SORCS3: variants seen among roughly 807,000 people sequenced by gnomAD.
SORCS3 encodes the protein VPS10 domain-containing receptor SorCS3.
In SORCS3, 57 loss-of-function variants were observed where a neutral mutation model predicts 146.3. That is an observed-to-expected ratio of 0.39 (90% CI 0.31 to 0.49). SORCS3 has a LOEUF of 0.49. Among genes scored for constraint, SORCS3 ranks in the 20% least tolerant of loss-of-function variants. The pLI is 0.92. For missense variants in SORCS3, 1,341 were observed against 1,575.5 expected (o/e 0.85, Z 2.52); for synonymous variants, 653 against 618.5 (o/e 1.06, Z -0.83).
At chr10:104,991,289 C>T (rs2054992371) in intron 4 of SORCS3, among the ~76,000 whole-genome samples, 1 of 152,098 alleles carries the variant, frequency 6.6e-6, no homozygotes, top group African/African-American at 2.4e-5. Flanking sequence ...GACTGAGTGG[C>T]TTAAACAATA....
intron 22 of SORCS3, among the ~76,000 whole-genome samples, chr10:105,250,546 A>T (rs960204886): frequency 6.6e-6 from 1 of 152,046 alleles, no homozygotes; most frequent in Admixed American, 6.5e-5. Context: ...TGGTGGACTG[A>T]CACTCCCTGA....
chr10:104,688,927 T>A (rs1252655011), intron 1 of SORCS3, among the ~76,000 whole-genome samples: 1 of 152,124 alleles, frequency 6.6e-6, no homozygotes, highest in Non-Finnish European at 1.5e-5. Context: ...CCCTGGCCCC[T>A]TCAGATGGGC....
intron 2 of SORCS3, among the ~76,000 whole-genome samples, chr10:104,914,381 G>A (rs79705205): frequency 0.065 from 9,814 of 152,152 alleles, 975 homozygotes; most frequent in African/African-American, 0.22. Flanking sequence ...GAGAGGAGCG[G>A]TGATTGGGAG....
At chr10:105,106,748 G>A (rs140083676) in intron 7 of SORCS3, among the ~76,000 whole-genome samples, 1 of 152,168 alleles carries the variant, frequency 6.6e-6, no homozygotes, top group Non-Finnish European at 1.5e-5. Flanking sequence ...AAACAGGAAG[G>A]TTCTGTGGCT....
chr10:104,769,733 A>T (rs1385347607), intron 1 of SORCS3, among the ~76,000 whole-genome samples: 1 of 152,048 alleles, frequency 6.6e-6, no homozygotes, highest in African/African-American at 2.4e-5. Context: ...GTCAGGAGTG[A>T]GCACTGACTC....
chr10:104,641,729 G>T lies in SORCS3; in HGVS notation c.402G>T (p.Ala134=). Residue 134 remains alanine (A), a synonymous_variant, in exon 1 of 27, where the codon GCG becomes GCT. Transcript: ENST00000369701. This position sits in a 1 kb window ranked among gnomAD's most constrained non-coding sequence, Gnocchi z 6.4. ...KLGGARRSRR[A]QPPITQERGD... is the part of the protein sequence containing the mutation. ...GCGGCGCGAGGAGGAGTCGCCGGGC[G>T]CAGCCCCCAATCACCCAGGAACGCG... The T allele has an allele frequency of 3.2e-6, 5 of 1,543,694 alleles. No individual in the cohort carries two copies. The highest frequency in any genetic ancestry group is 2.0e-4 in the Middle Eastern group (1 of 5,060).
intron 7 of SORCS3, among the ~76,000 whole-genome samples, chr10:105,134,611 T>A (rs1240069453): frequency 1.3e-5 from 2 of 151,600 alleles, no homozygotes; most frequent in Non-Finnish European, 2.9e-5. Context: ...TATGAAGCAC[T>A]TTTCCTTTCC....
chr10:105,261,356 G>A (rs2056959403), intron 25 of SORCS3, among the ~76,000 whole-genome samples: 1 of 152,204 alleles, frequency 6.6e-6, no homozygotes, highest in South Asian at 2.1e-4. Flanking sequence ...TCCCCAAGAT[G>A]TTGAAGAGCT....
intron 5 of SORCS3, among the ~76,000 whole-genome samples, chr10:105,074,230 A>G (rs2055575065): frequency 6.6e-6 from 1 of 152,216 alleles, no homozygotes; most frequent in African/African-American, 2.4e-5. Context: ...TGTGGAGCCA[A>G]GTCCGTGTGA....
chr10:104,940,239 T>TATATATATATATATA (rs1554861474), intron 3 of SORCS3, among the ~76,000 whole-genome samples: 100 of 14,322 alleles, frequency 7.0e-3, no homozygotes, highest in South Asian at 0.021. Context: ...TATATATATA[T>TATATATATATATATA]TTTTTTTTTT....
intron 3 of SORCS3, among the ~76,000 whole-genome samples, chr10:104,962,155 G>A (rs1317155841): frequency 6.6e-6 from 1 of 152,086 alleles, no homozygotes; most frequent in Non-Finnish European, 1.5e-5. Flanking sequence ...TTCATGGAAG[G>A]GATTGAGTTA....
intron 3 of SORCS3, among the ~76,000 whole-genome samples, chr10:104,966,842 C>A (rs1397804546): frequency 6.6e-6 from 1 of 152,124 alleles, no homozygotes; most frequent in Non-Finnish European, 1.5e-5. Flanking sequence ...CTAAGCATAG[C>A]CCCTGCCTGA....
chr10:105,231,630 A>G (rs150567073), intron 20 of SORCS3, among the ~76,000 whole-genome samples: 4 of 152,274 alleles, frequency 2.6e-5, no homozygotes, highest in African/African-American at 9.6e-5. Flanking sequence ...CACACCATTA[A>G]TTATGATGTT....
chr10:104,893,439 T>G (rs551113073), intron 2 of SORCS3, among the ~76,000 whole-genome samples: 1 of 152,216 alleles, frequency 6.6e-6, no homozygotes, highest in South Asian at 2.1e-4. Flanking sequence ...CTGTCTGCCT[T>G]GTCAGCTTTG....
intron 3 of SORCS3, among the ~76,000 whole-genome samples, chr10:104,976,036 G>C (rs1469902989): frequency 2.6e-5 from 4 of 152,086 alleles, no homozygotes; most frequent in African/African-American, 9.6e-5. Flanking sequence ...AAAAGCAATG[G>C]AACAAAAGCC....
chr10:104,739,118 C>T (rs550094248), intron 1 of SORCS3, among the ~76,000 whole-genome samples: 10 of 152,198 alleles, frequency 6.6e-5, no homozygotes, highest in Non-Finnish European at 1.5e-4. Flanking sequence ...GCAGCGCCTG[C>T]CCAGCACAGG....
At position 105,211,146 on chromosome 10, in the gene SORCS3, G is replaced by A. The variant is rs1329608014; in HGVS notation, c.2271G>A (p.Gly757=). Residue 757 remains glycine, a synonymous_variant, in exon 17 of 27, where the codon GGG becomes GGA. Transcript: ENST00000369701. Reference sequence around the variant, plus strand: ...TTCATTTTCCTGACAGTGACTATGGGTATGAGAGACATGGGGAGAGCCAGT... The same window carrying A: ...TTCATTTTCCTGACAGTGACTATGGATATGAGAGACATGGGGAGAGCCAGT... The part of the protein sequence containing the change: ...CANWDFECDY[G]YERHGESQCV... 6.2e-7 allele frequency: 1 copy of A among 1,612,984 alleles called. No homozygotes were observed. Among genetic ancestry groups the A allele is most frequent in the African/African-American group, 1.3e-5 (1 of 74,898 alleles).
chr10:104,911,505 C>T (rs920527737), intron 2 of SORCS3, among the ~76,000 whole-genome samples: 3 of 152,156 alleles, frequency 2.0e-5, no homozygotes, highest in Non-Finnish European at 4.4e-5. Flanking sequence ...TATTTGGATT[C>T]GGGAAGGAAG....
At chr10:104,643,712 GTGTGT>G (rs1564649673) in intron 1 of SORCS3, among the ~76,000 whole-genome samples, 12 of 124,928 alleles carry the variant, frequency 9.6e-5, no homozygotes, top group South Asian at 2.3e-4. Flanking sequence ...TAATTAGGGT[GTGTGT>G]GTGTGTGTGT....
Sources: allele counts gnomAD v4.1 joint callset (sites outside exome capture counted in the v4.1 genomes callset), GRCh38; gene constraint gnomAD v4.1.1; non-coding constraint Gnocchi (gnomAD v3.1); transcripts MANE v1.5; gene names NCBI Gene and HGNC (gene_info 2026-07-23, HGNC 2026-07-21).